The following RNF144A variants were observed in gnomAD, a reference collection of about 807,000 sequenced individuals.
The protein encoded by RNF144A is E3 ubiquitin-protein ligase RNF144A.
Under a neutral mutation model 38.7 loss-of-function variants are expected in RNF144A, and 11 were observed. The ratio of observed to expected loss-of-function variants is 0.28; its 90% CI spans 0.18 to 0.47. The LOEUF (loss-of-function observed/expected upper bound fraction) is 0.47. Ranked by LOEUF, RNF144A falls within the 20% of genes least tolerant of loss-of-function variation. The probability of loss-of-function intolerance (pLI) is 0.99; values close to 1 mark genes in which losing one functional copy is unlikely to be tolerated. For synonymous variants in RNF144A, 149 were observed against 143.9 expected (o/e 1.04, Z -0.25); for missense variants, 316 against 377.2 (o/e 0.84, Z 1.34).
At chr2:7,011,966 C>T (rs1670846643) in intron 3 of RNF144A, among the ~76,000 whole-genome samples, 1 of 152,160 alleles carries the variant, frequency 6.6e-6, no homozygotes, top group Non-Finnish European at 1.5e-5. Flanking sequence ...AGCTTTGAAA[C>T]CCAGACATGA....
rs1458400442 is a variant in RNF144A, at chr2:7,043,805, G to T, written c.*4045G>T. The T allele has an allele frequency of 2.0e-6, 2 of 985,722 alleles. No homozygotes were observed. Among genetic ancestry groups the T allele is most frequent in the Non-Finnish European group, 2.4e-6 (2 of 829,944 alleles). The allele number at this position is 985,722 out of a possible 1,614,324, so 61.1% of individuals were successfully genotyped here. On this transcript the variant is annotated 3_prime_UTR_variant, in exon 9 of 9. Transcript: ENST00000320892. ...AGTGAGGGGTAGCTACATGCCCCAT[G>T]CCTGCCCTTTCTTTCCTTCTTTGCT...
chr2:7,056,681 CCT>C (rs1472604018), intron 6 of RNF144A, among the ~76,000 whole-genome samples: 1 of 152,156 alleles, frequency 6.6e-6, no homozygotes, highest in African/African-American at 2.4e-5. Context: ...TGTTCCCTCC[CCT>C]GTGTTAGGGA....
intron 2 of RNF144A, among the ~76,000 whole-genome samples, chr2:6,971,634 C>T (rs941147270): frequency 1.7e-4 from 26 of 152,234 alleles, no homozygotes; most frequent in South Asian, 2.1e-4. Context: ...AGCTCTGGCA[C>T]GTGTATGGGG....
chr2:7,024,332 C>T (rs1294224271), intron 6 of RNF144A, 37 bp from the exon 7 acceptor site: 3 of 1,546,242 alleles, frequency 1.9e-6, no homozygotes, highest in Non-Finnish European at 2.7e-6. Context: ...CCCGTGGGAT[C>T]CGTTTGTGCA....
In RNF144A at chr2:7,024,268, C is replaced by T; in HGVS notation, c.510-101C>T. On this transcript the variant is annotated intron_variant, in intron 6 of 8. Transcript: ENST00000320892. Reference sequence around the variant, plus strand: ...GTTTTTTCATTTAATACCAAGAAAACTCAGTCTGTGAAGTGGAGCCGATGC... The same window carrying T: ...GTTTTTTCATTTAATACCAAGAAAATTCAGTCTGTGAAGTGGAGCCGATGC... 2.9e-6 allele frequency: 3 copies of T among 1,048,442 alleles called. No homozygotes were observed. The South Asian group carries it at 9.7e-5, about 34-fold the overall frequency. The allele number at this position is 1,048,442 out of a possible 1,614,324, so 64.9% of individuals were successfully genotyped here.
chr2:6,939,436 T>C (rs921226274), intron 1 of RNF144A, among the ~76,000 whole-genome samples: 1 of 152,250 alleles, frequency 6.6e-6, no homozygotes, highest in African/African-American at 2.4e-5. Flanking sequence ...TTGGGTTGTC[T>C]TTGGATTGTT....
downstream of RNF144A, among the ~76,000 whole-genome samples, chr2:7,047,050 G>T (rs748368802): frequency 6.6e-6 from 1 of 152,126 alleles, no homozygotes; most frequent in African/African-American, 2.4e-5. Context: ...AGGGAATAAC[G>T]TTTCAAAAGC....
intron 5 of RNF144A, among the ~76,000 whole-genome samples, 189 bp downstream of exon 5, chr2:7,014,961 G>A (rs1381670777): frequency 6.6e-6 from 1 of 152,188 alleles, no homozygotes; most frequent in Non-Finnish European, 1.5e-5. Flanking sequence ...TGAAGACCTT[G>A]TCTAGTGATC....
At chr2:6,929,867 C>A (rs943212330) in intron 1 of RNF144A, among the ~76,000 whole-genome samples, 4 of 152,086 alleles carry the variant, frequency 2.6e-5, no homozygotes, top group Non-Finnish European at 5.9e-5. Flanking sequence ...AAAAACAATT[C>A]TAAGAGAAAG....
At chr2:7,007,224 C>A (rs1171974445) in intron 3 of RNF144A, among the ~76,000 whole-genome samples, 1 of 152,196 alleles carries the variant, frequency 6.6e-6, no homozygotes. Context: ...TATCAGTCTC[C>A]CCAGCCCTTT....
At chr2:6,993,892 T>G (rs899208634) in intron 2 of RNF144A, among the ~76,000 whole-genome samples, 3 of 152,128 alleles carry the variant, frequency 2.0e-5, no homozygotes, top group African/African-American at 7.2e-5. Flanking sequence ...ATCTATATAT[T>G]AGATATATTA....
chr2:7,065,742 A>G (rs1674186814), intron 6 of RNF144A, among the ~76,000 whole-genome samples: 1 of 152,220 alleles, frequency 6.6e-6, no homozygotes, highest in Non-Finnish European at 1.5e-5. Context: ...GACAGTTATT[A>G]TTTTACTTTG....
chr2:7,024,085 TC>T (rs1287268966), intron 6 of RNF144A, among the ~76,000 whole-genome samples: 1 of 152,218 alleles, frequency 6.6e-6, no homozygotes, highest in Non-Finnish European at 1.5e-5. Flanking sequence ...CGCTGTATTT[TC>T]TTTTGTTTGT....
rs185976116 is a variant in RNF144A at position 7,002,098 on chromosome 2, G to A, written c.135+5037G>A. On this transcript the variant is annotated intron_variant, in intron 3 of 8. Coordinates refer to ENST00000320892, the MANE Select transcript of RNF144A (RefSeq NM_014746.6). ...ACGTGTAAACCCTAAGCTTCTGATT[G>A]TGTAACATATTAGGAAATAAGTGGC... is the stretch of plus-strand genomic sequence containing the variant. Among the ~76,000 whole-genome samples, 603 of 152,268 alleles carry A rather than the reference G, an allele frequency of 4.0e-3. 3 individuals are homozygous for A. Among genetic ancestry groups the A allele is most frequent in the Non-Finnish European group, 7.0e-3 (478 of 68,006 alleles).
At chr2:6,964,728 C>G (rs893215197) in intron 2 of RNF144A, among the ~76,000 whole-genome samples, 1 of 151,742 alleles carries the variant, frequency 6.6e-6, no homozygotes, top group Non-Finnish European at 1.5e-5. Context: ...GAACAAAAAA[C>G]CAAACACCAC....
intron 2 of RNF144A, among the ~76,000 whole-genome samples, chr2:6,972,792 A>G (rs552700953): frequency 2.6e-5 from 4 of 152,356 alleles, no homozygotes; most frequent in East Asian, 3.9e-4. Context: ...AAGGACCTAC[A>G]GAGGCTTGCA....
intron 1 of RNF144A, chr2:6,933,015 T>G (rs956524744): frequency 6.6e-6 from 1 of 152,264 alleles, no homozygotes; most frequent in Non-Finnish European, 1.5e-5. Context: ...AGACCTCTAT[T>G]CATAGTAAAG....
chr2:7,053,891 T>A (rs1468329358), intron 6 of RNF144A, among the ~76,000 whole-genome samples: 3 of 152,246 alleles, frequency 2.0e-5, no homozygotes, highest in Non-Finnish European at 2.9e-5. Flanking sequence ...GCCCTGCCGA[T>A]GCCATACAGG....
rs549662418 is a variant in RNF144A at position 6,941,403 on chromosome 2, T to C, written c.-12+256T>C. ...TCCAGGTTTATTCATTTGCTGCTTT[T>C]AACAATCCTTGGAGTCTCCTGTTTT... On this transcript the variant is annotated intron_variant, in intron 2 of 8. Transcript: ENST00000320892. The surrounding 1 kb of genome is among the most constrained non-coding windows in gnomAD (Gnocchi z 6.5). 1.3e-5 allele frequency among the ~76,000 whole-genome samples: 2 copies of C among 152,376 alleles called. No individual in the cohort carries two copies. The highest frequency in any genetic ancestry group is 4.8e-5 in the African/African-American group (2 of 41,588).
Sources: gnomAD v4.1 joint callset for allele counts (sites outside exome capture counted in the v4.1 genomes callset) on GRCh38, gnomAD v4.1.1 for gene constraint, Gnocchi (gnomAD v3.1) non-coding constraint, MANE v1.5 for transcripts, NCBI Gene and HGNC (gene_info 2026-07-23, HGNC 2026-07-21) for gene names.